TENM3: variants seen among roughly 807,000 people sequenced by gnomAD.
TENM3 encodes teneurin transmembrane protein 3, also known as teneurin-3.
A neutral mutation model predicts 255.1 loss-of-function variants in TENM3; 63 were observed. That is an observed-to-expected ratio of 0.25 (90% CI 0.20 to 0.30). The LOEUF is 0.30. Among genes scored for constraint, TENM3 ranks in the 10% least tolerant of loss-of-function variants. The pLI is 1.00. For synonymous variants in TENM3, 1,306 were observed against 1,322.3 expected (o/e 0.99, Z 0.27); for missense variants, 2,929 against 3,461.1 (o/e 0.85, Z 3.86).
At chr4:182,066,656 A>G in the TENM3 span, among the ~76,000 whole-genome samples, 5 of 151,134 alleles carry the variant, frequency 3.3e-5, no homozygotes, top group Admixed American at 3.3e-4. Context: ...CATGCCTATA[A>G]TCCCAGCACT....
rs562346002 is a variant in TENM3, at chr4:182,254,829, A to T, written c.-76+11353A>T. On this transcript the variant is annotated intron_variant, in intron 1 of 27. Coordinates refer to ENST00000511685, the MANE Select transcript of TENM3 (RefSeq NM_001080477.4). ...AATCAACAGTGAAGATAATATATCAAATATATCAGTGCCCATTGCACTGAT... is the reference window on the plus strand; with the variant it reads ...AATCAACAGTGAAGATAATATATCATATATATCAGTGCCCATTGCACTGAT... 1.4e-4 allele frequency among the ~76,000 whole-genome samples: 22 copies of T among 152,284 alleles called. No individual in the cohort carries two copies. In the South Asian group the frequency reaches 4.6e-3, roughly 32 times the overall value.
chr4:182,777,541 G>GTGTGTGTGTGTGTGT (rs1579462872), intron 24 of TENM3, among the ~76,000 whole-genome samples: 1 of 106,406 alleles, frequency 9.4e-6, no homozygotes, highest in East Asian at 3.1e-4. Flanking sequence ...GTGTGTGTGT[G>GTGTGTGTGTGTGTGT]TATTTCTTTT....
rs1182622525 is a variant in TENM3, at chr4:182,759,383, C to T, written c.4892+4124C>T. 3.3e-5 allele frequency among the ~76,000 whole-genome samples: 5 copies of T among 152,292 alleles called. No homozygotes were observed. The East Asian group carries it at 7.7e-4, about 24-fold the overall frequency. Reference sequence around the variant, plus strand: ...AAAACCAGAAGCTGGCATTTGCCAACGCTCCACTGAGAGAACACCTATAAA... The same window carrying T: ...AAAACCAGAAGCTGGCATTTGCCAATGCTCCACTGAGAGAACACCTATAAA... On this transcript the variant is annotated intron_variant, in intron 22 of 27. Coordinates refer to ENST00000511685, the MANE Select transcript of TENM3 (RefSeq NM_001080477.4).
intron 13 of TENM3, among the ~76,000 whole-genome samples, chr4:182,717,758 A>G (rs1561152175): frequency 6.6e-6 from 1 of 152,232 alleles, no homozygotes; most frequent in Non-Finnish European, 1.5e-5. Flanking sequence ...GCAAATGATC[A>G]CCAGTACTTC....
chr4:182,005,037 C>G, the TENM3 span, among the ~76,000 whole-genome samples: 47 of 152,236 alleles, frequency 3.1e-4, no homozygotes, highest in Admixed American at 5.9e-4. Context: ...ACTCTGATGA[C>G]AGATTCTTTT....
the TENM3 span, among the ~76,000 whole-genome samples, chr4:181,748,470 A>C: frequency 6.6e-6 from 1 of 152,246 alleles, no homozygotes; most frequent in Admixed American, 6.5e-5. Flanking sequence ...CATCAAACTC[A>C]CATAGTAATC....
At chr4:181,809,420 C>G in the TENM3 span, among the ~76,000 whole-genome samples, 2 of 152,124 alleles carry the variant, frequency 1.3e-5, no homozygotes, top group Non-Finnish European at 2.9e-5. Context: ...ATAATTATCA[C>G]AATTATCCAC....
the TENM3 span, among the ~76,000 whole-genome samples, chr4:181,635,833 G>T: frequency 1.1e-3 from 162 of 152,240 alleles, 3 homozygotes; most frequent in South Asian, 6.0e-3. Flanking sequence ...GAGGGAGACG[G>T]GGCTTCCTCA....
intron 1 of TENM3, among the ~76,000 whole-genome samples, chr4:182,323,161 T>G (rs768120918): frequency 1.3e-4 from 20 of 152,112 alleles, no homozygotes; most frequent in African/African-American, 4.3e-4. Flanking sequence ...ATTCAGGAAA[T>G]AGAGAGTTTT....
chr4:182,687,332 C>A (rs1489574261), intron 11 of TENM3, among the ~76,000 whole-genome samples: 1 of 152,066 alleles, frequency 6.6e-6, no homozygotes, highest in Admixed American at 6.6e-5. Context: ...CTCTCCCTGT[C>A]TCTCAATTGG....
At chr4:182,117,000 T>A in the TENM3 span, among the ~76,000 whole-genome samples, 1 of 152,320 alleles carries the variant, frequency 6.6e-6, no homozygotes, top group African/African-American at 2.4e-5. Context: ...AGTTGTGTAG[T>A]GGTATCTCAT....
chr4:181,461,041 T>C, the TENM3 span, among the ~76,000 whole-genome samples: 3 of 152,110 alleles, frequency 2.0e-5, no homozygotes, highest in Admixed American at 6.6e-5. Flanking sequence ...TAATAGCTTT[T>C]GTAATGCTGA....
At chr4:182,181,685 A>G (rs1752848385) in intron 1 of TENM3, among the ~76,000 whole-genome samples, 1 of 151,936 alleles carries the variant, frequency 6.6e-6, no homozygotes, top group African/African-American at 2.4e-5. Context: ...TGACTTACCC[A>G]TAATGTGCAG....
the TENM3 span, among the ~76,000 whole-genome samples, chr4:181,631,826 G>A: frequency 6.6e-6 from 1 of 152,140 alleles, no homozygotes; most frequent in South Asian, 2.1e-4. Context: ...ATTTCCAAAG[G>A]TTGCCTACCA....
the TENM3 span, among the ~76,000 whole-genome samples, chr4:181,461,497 T>A: frequency 6.6e-6 from 1 of 152,148 alleles, no homozygotes; most frequent in Non-Finnish European, 1.5e-5. Flanking sequence ...GGAACTCTAT[T>A]CCACATATGT....
the TENM3 span, among the ~76,000 whole-genome samples, chr4:181,483,497 C>A: frequency 1.3e-5 from 2 of 151,866 alleles, no homozygotes; most frequent in South Asian, 4.2e-4. Context: ...AAAGTTTTAC[C>A]GAAATATACC....
At chr4:182,021,635 C>T in the TENM3 span, among the ~76,000 whole-genome samples, 1 of 152,236 alleles carries the variant, frequency 6.6e-6, no homozygotes, top group African/African-American at 2.4e-5. Context: ...AGACTTCTTG[C>T]CCTGTGAGTG....
At chr4:181,530,425 T>C in the TENM3 span, among the ~76,000 whole-genome samples, 1 of 152,186 alleles carries the variant, frequency 6.6e-6, no homozygotes, top group Non-Finnish European at 1.5e-5. Flanking sequence ...CTCACTGATA[T>C]GTCTTAAGAA....
At chr4:182,239,375 G>A (rs1247601379), upstream of TENM3, among the ~76,000 whole-genome samples, 7 of 151,916 alleles carry the variant, frequency 4.6e-5, no homozygotes, top group Non-Finnish European at 1.0e-4. Flanking sequence ...CACCGCGCCC[G>A]GCCAAAAATC....
Sources: allele counts gnomAD v4.1 joint callset (sites outside exome capture counted in the v4.1 genomes callset), GRCh38; gene constraint gnomAD v4.1.1; transcripts MANE v1.5; gene names NCBI Gene and HGNC (gene_info 2026-07-23, HGNC 2026-07-21).